SEMA3A: variants seen among roughly 807,000 people sequenced by gnomAD.
SEMA3A encodes the protein semaphorin-3A.
Under a neutral mutation model 97.9 loss-of-function variants are expected in SEMA3A, and 29 were observed. The ratio of observed to expected loss-of-function variants is 0.30; its 90% confidence interval spans 0.22 to 0.40. The LOEUF (loss-of-function observed/expected upper bound fraction) is 0.40, where lower values mean the gene tolerates loss of function less well. SEMA3A is among the 10% of genes least tolerant of loss of function. SEMA3A has a pLI of 1.00. For missense variants in SEMA3A, 763 were observed against 951.3 expected, an observed-to-expected ratio of 0.80 and a Z score of 2.60; for synonymous variants, 321 against 323.7, an observed-to-expected ratio of 0.99 and a Z score of 0.09.
intron 3 of SEMA3A, among the ~76,000 whole-genome samples, chr7:84,221,867 A>G (rs1798891541): frequency 6.6e-6 from 1 of 152,072 alleles, no homozygotes; most frequent in Non-Finnish European, 1.5e-5. Flanking sequence ...ACAGACATGA[A>G]GAGAGCACAT....
chr7:84,203,500 G>GTATATATATATATATATATATATA (rs1554345503), intron 3 of SEMA3A, among the ~76,000 whole-genome samples: 5 of 74,636 alleles, frequency 6.7e-5, no homozygotes, highest in African/African-American at 1.1e-4. Context: ...CTTTGTGTGT[G>GTATATATATATATATATATATATA]TGTATATATA....
chr7:84,372,410 A>G (rs1435821423), intron 1 of SEMA3A: 2 of 152,086 alleles, frequency 1.3e-5, no homozygotes, highest in African/African-American at 4.8e-5. Flanking sequence ...TCTTAAACTT[A>G]AAGGCTTAGT....
intron 3 of SEMA3A, among the ~76,000 whole-genome samples, chr7:84,241,302 C>T (rs942919418): frequency 2.6e-5 from 4 of 152,058 alleles, no homozygotes; most frequent in African/African-American, 7.2e-5. Flanking sequence ...ACCATTCTAA[C>T]GGCATGAGAT....
chr7:84,295,996 C>T (rs1800861128), intron 3 of SEMA3A, among the ~76,000 whole-genome samples: 1 of 152,068 alleles, frequency 6.6e-6, no homozygotes, highest in Non-Finnish European at 1.5e-5. Context: ...CAGCAAAATA[C>T]ATCATATTTA....
At chr7:84,152,938 C>T (rs1396074801) in intron 1 of SEMA3A, among the ~76,000 whole-genome samples, 2 of 151,920 alleles carry the variant, frequency 1.3e-5, no homozygotes, top group African/African-American at 4.8e-5. Flanking sequence ...TAGCTTTTCC[C>T]AATTATAACT....
chr7:84,035,663 C>T (rs766845534), intron 6 of SEMA3A, among the ~76,000 whole-genome samples: 10 of 151,922 alleles, frequency 6.6e-5, no homozygotes, highest in Non-Finnish European at 1.2e-4. Context: ...TTTTAAAGTG[C>T]AGAGACCAGC....
intron 1 of SEMA3A, among the ~76,000 whole-genome samples, chr7:84,375,731 C>T (rs1341212537): frequency 6.6e-6 from 1 of 151,726 alleles, no homozygotes; most frequent in Non-Finnish European, 1.5e-5. Flanking sequence ...GAAAATATAC[C>T]AAAAAAAGTT....
At chr7:84,426,259 T>C (rs1031367876) in intron 1 of SEMA3A, among the ~76,000 whole-genome samples, 1 of 145,670 alleles carries the variant, frequency 6.9e-6, no homozygotes, top group East Asian at 2.1e-4. Flanking sequence ...GATAGAGAGA[T>C]AGATATAGAT....
At chr7:84,103,756 G>T (rs1385229619) in intron 4 of SEMA3A, among the ~76,000 whole-genome samples, 22 of 151,656 alleles carry the variant, frequency 1.5e-4, no homozygotes. Flanking sequence ...ATAAAACATA[G>T]AACTAGAGTC....
intron 1 of SEMA3A, among the ~76,000 whole-genome samples, chr7:84,146,985 A>T (rs1447418579): frequency 6.6e-6 from 1 of 152,166 alleles, no homozygotes; most frequent in African/African-American, 2.4e-5. Context: ...TGAAATATTA[A>T]TTTTTCAGGC....
intron 3 of SEMA3A, among the ~76,000 whole-genome samples, chr7:84,252,256 A>G (rs1330127168): frequency 1.3e-5 from 2 of 152,168 alleles, no homozygotes; most frequent in Non-Finnish European, 2.9e-5. Context: ...ATTCTATGGT[A>G]TTGCTGAAGT....
intron 2 of SEMA3A, among the ~76,000 whole-genome samples, chr7:84,322,571 C>G (rs936356852): frequency 3.9e-5 from 6 of 151,964 alleles, no homozygotes; most frequent in Non-Finnish European, 7.4e-5. Flanking sequence ...TCTGCACAAG[C>G]TCTCTCTCTT....
chr7:84,062,470 G>T (rs895114571), intron 4 of SEMA3A, among the ~76,000 whole-genome samples: 1 of 152,196 alleles, frequency 6.6e-6, no homozygotes, highest in African/African-American at 2.4e-5. Flanking sequence ...AGTGAGCGAC[G>T]CAGAAGATGG....
intron 6 of SEMA3A, among the ~76,000 whole-genome samples, chr7:84,022,525 C>A (rs760655276): frequency 3.5e-4 from 54 of 152,184 alleles, no homozygotes; most frequent in Non-Finnish European, 5.6e-4. Flanking sequence ...TATACAGCGA[C>A]CCTGGATATC....
At chr7:84,363,652 T>G (rs906417756) in intron 2 of SEMA3A, among the ~76,000 whole-genome samples, 1 of 151,880 alleles carries the variant, frequency 6.6e-6, no homozygotes, top group East Asian at 1.9e-4. Flanking sequence ...ACTTTATGGT[T>G]TAGACAAATT....
At chr7:83,992,217 T>G (rs1217586413) in intron 12 of SEMA3A, among the ~76,000 whole-genome samples, 1 of 151,412 alleles carries the variant, frequency 6.6e-6, no homozygotes, top group Admixed American at 6.6e-5. Flanking sequence ...CTTTTTTTCT[T>G]TATTAGTCTT....
chr7:84,447,451 C>T (rs1475990725), intron 1 of SEMA3A, among the ~76,000 whole-genome samples: 1 of 152,144 alleles, frequency 6.6e-6, no homozygotes, highest in Admixed American at 6.5e-5. Context: ...TTTTTCCTGG[C>T]CTTGCCCATG....
chr7:84,006,435 C>CCAAT (rs1210575657), intron 10 of SEMA3A, among the ~76,000 whole-genome samples: 1 of 151,732 alleles, frequency 6.6e-6, no homozygotes, highest in African/African-American at 2.4e-5. Flanking sequence ...CACAAAAAGA[C>CCAAT]CAATCAGAAT....
intron 1 of SEMA3A, among the ~76,000 whole-genome samples, chr7:84,157,262 A>G (rs1252251015): frequency 6.6e-6 from 1 of 152,190 alleles, no homozygotes; most frequent in Non-Finnish European, 1.5e-5. Flanking sequence ...TTTACATGCA[A>G]CAATGCAGGT....
Sources: allele counts gnomAD v4.1 joint callset (sites outside exome capture counted in the v4.1 genomes callset), GRCh38; gene constraint gnomAD v4.1.1; transcripts MANE v1.5; gene names NCBI Gene and HGNC (gene_info 2026-07-23, HGNC 2026-07-21).